Variants in DLC1 observed in about 807,000 individuals in gnomAD.
DLC1 encodes rho GTPase-activating protein 7.
In DLC1, 54 loss-of-function variants were observed where a neutral mutation model predicts 140.3. That is an observed-to-expected ratio of 0.38 (90% CI 0.31 to 0.48). The LOEUF (loss-of-function observed/expected upper bound fraction) is 0.48. DLC1 is among the 20% of genes least tolerant of loss of function. The pLI is 0.96. For missense variants in DLC1, 2,536 were observed against 1,907.0 expected, an observed-to-expected ratio of 1.33 and a Z score of -6.14; for synonymous variants, 986 against 728.1, an observed-to-expected ratio of 1.35 and a Z score of -5.70.
At position 13,452,913 on chromosome 8, in the gene DLC1, A is replaced by G. The variant is rs552368799; in HGVS notation, c.1023+46136T>C. Among the ~76,000 whole-genome samples, 9 of 152,290 alleles carry G rather than the reference A, an allele frequency of 5.9e-5. No homozygotes were observed. In the East Asian group the frequency reaches 1.7e-3, roughly 29 times the overall value. ...CTGTGCTGGCTCTAATTTCCGGATG[A>G]GAATGGCCATGATATGAGTAATTGT... is the stretch of plus-strand genomic sequence containing the variant. On this transcript the variant is annotated intron_variant, in intron 2 of 17. Transcript: ENST00000276297.
intron 5 of DLC1, among the ~76,000 whole-genome samples, chr8:13,171,924 A>C (rs776583503): frequency 1.3e-5 from 2 of 152,160 alleles, no homozygotes; most frequent in Admixed American, 6.5e-5. Context: ...TCCTACGGCT[A>C]CGGGTATCTG....
intron 1 of DLC1, among the ~76,000 whole-genome samples, chr8:13,581,701 G>A (rs1805105098): frequency 6.6e-6 from 1 of 152,162 alleles, no homozygotes; most frequent in South Asian, 2.1e-4. Context: ...TTTCAAAGAT[G>A]TGCATCAGAT....
intron 2 of DLC1, among the ~76,000 whole-genome samples, chr8:13,468,367 C>A (rs551785124): frequency 7.3e-6 from 1 of 136,666 alleles, no homozygotes; most frequent in East Asian, 2.3e-4. Flanking sequence ...CCCTCCCCTC[C>A]CCTCTCCTTT....
At chr8:13,375,019 T>C (rs534170246) in intron 4 of DLC1, among the ~76,000 whole-genome samples, 22 of 138,342 alleles carry the variant, frequency 1.6e-4, no homozygotes, top group African/African-American at 5.3e-4. Flanking sequence ...TGTATAAGAA[T>C]GCTTGTGATT....
chr8:13,488,936 A>AT (rs1257272289), intron 2 of DLC1, among the ~76,000 whole-genome samples: 5 of 151,854 alleles, frequency 3.3e-5, no homozygotes, highest in South Asian at 2.1e-4. Context: ...TCTAGGCTCA[A>AT]TTTTTTTTAT....
In DLC1 at chr8:13,413,078, A is replaced by C. The variant is rs141599385; in HGVS notation, c.1024-11459T>G. 3.3e-3 allele frequency among the ~76,000 whole-genome samples: 507 copies of C among 152,124 alleles called. 2 individuals are homozygous for C. The highest frequency in any genetic ancestry group is 0.012 in the African/African-American group (497 of 41,514). ...CCTTGTGCGGGGCATAACCTGCCCA[A>C]CAGTACTTGGGACCCTGCTACTGAT... On this transcript the variant is annotated intron_variant, in intron 2 of 17. Transcript: ENST00000276297.
chr8:13,338,648 A>T (rs116527255), intron 4 of DLC1: 1 of 152,138 alleles, frequency 6.6e-6, no homozygotes, highest in Non-Finnish European at 1.5e-5. Flanking sequence ...TGAGAAGTCT[A>T]TTTCCCATGT....
chr8:13,176,881 A>C (rs960293727), intron 5 of DLC1, among the ~76,000 whole-genome samples: 1 of 152,162 alleles, frequency 6.6e-6, no homozygotes, highest in Non-Finnish European at 1.5e-5. Flanking sequence ...GAGTAAAGCA[A>C]TATGAGAAGA....
chr8:13,273,051 A>G lies in DLC1; in HGVS notation c.1348+32218T>C, dbSNP rs188409509. On this transcript the variant is annotated intron_variant, in intron 5 of 17. Transcript: ENST00000276297. ...TATCATTGGTTTCCTCTATAATTCT[A>G]TATATTTTATTTATGCATTTAAAAA... Among the ~76,000 whole-genome samples, 229 of 152,246 alleles carry G rather than the reference A, an allele frequency of 1.5e-3. 1 individual carries two copies. The highest frequency in any genetic ancestry group is 2.8e-4 in the Non-Finnish European group (19 of 68,022).
chr8:13,212,695 G>C (rs1356988432), intron 5 of DLC1, among the ~76,000 whole-genome samples: 1 of 152,138 alleles, frequency 6.6e-6, no homozygotes, highest in Non-Finnish European at 1.5e-5. Context: ...GACGGTGCTT[G>C]TGCTTTCTCG....
intron 5 of DLC1, among the ~76,000 whole-genome samples, chr8:13,169,733 T>C (rs1452003211): frequency 6.6e-6 from 1 of 152,138 alleles, no homozygotes; most frequent in East Asian, 1.9e-4. Context: ...ATTAAGAACA[T>C]GGAAGAGAGC....
intron 1 of DLC1, among the ~76,000 whole-genome samples, chr8:13,506,569 G>GTGTGTGTGTC (rs139869254): frequency 0.17 from 2,971 of 17,590 alleles, 286 homozygotes; most frequent in East Asian, 0.33. Flanking sequence ...ACACACACAT[G>GTGTGTGTGTC]TGTGTGTGTG....
At chr8:13,214,557 CTT>C (rs34727279) in intron 5 of DLC1, 8,408 of 566,390 alleles carry the variant, frequency 0.015, no homozygotes, top group Middle Eastern at 0.018. Context: ...CCAACCCCAC[CTT>C]TTTTTTTTTT....
intron 4 of DLC1, among the ~76,000 whole-genome samples, chr8:13,387,612 AAT>A (rs1238293634): frequency 6.6e-6 from 1 of 152,012 alleles, no homozygotes; most frequent in Middle Eastern, 3.2e-3. Flanking sequence ...TTTACATTGA[AAT>A]TACTAAGGGA....
chr8:13,282,103 A>G (rs1831384765), intron 5 of DLC1, among the ~76,000 whole-genome samples: 1 of 152,222 alleles, frequency 6.6e-6, no homozygotes, highest in Non-Finnish European at 1.5e-5. Context: ...AAAAGTTTCA[A>G]CAACTCTACT....
chr8:13,561,020 T>C (rs1804224045), intron 1 of DLC1, among the ~76,000 whole-genome samples: 1 of 152,182 alleles, frequency 6.6e-6, no homozygotes, highest in African/African-American at 2.4e-5. Context: ...ACATTTGGAA[T>C]GTCTAGGCTC....
intron 5 of DLC1, among the ~76,000 whole-genome samples, chr8:13,211,341 C>G (rs73196146): frequency 0.13 from 19,645 of 152,000 alleles, 1,644 homozygotes; most frequent in Admixed American, 0.21. Context: ...TATGGAGCAC[C>G]GTTTTGCTGT....
intron 1 of DLC1, among the ~76,000 whole-genome samples, chr8:13,591,510 C>T (rs1247963270): frequency 6.6e-6 from 1 of 152,088 alleles, no homozygotes; most frequent in Non-Finnish European, 1.5e-5. Flanking sequence ...TTCCTGAGGC[C>T]TCCCTAGCCA....
At chr8:13,395,054 A>ATCTATCT (rs879525553) in intron 3 of DLC1, among the ~76,000 whole-genome samples, 68 of 141,064 alleles carry the variant, frequency 4.8e-4, no homozygotes, top group Admixed American at 9.7e-4. Context: ...TCTATCTATT[A>ATCTATCT]GGTACCTATC....
Sources: allele counts gnomAD v4.1 joint callset (sites outside exome capture counted in the v4.1 genomes callset), GRCh38; gene constraint gnomAD v4.1.1; transcripts MANE v1.5; gene names NCBI Gene and HGNC (gene_info 2026-07-23, HGNC 2026-07-21).